KATNAL2: variants seen among roughly 807,000 people sequenced by gnomAD.
KATNAL2 encodes katanin catalytic subunit A1 like 2.
In KATNAL2, 52 loss-of-function variants were observed where a neutral mutation model predicts 76.3. The observed-to-expected ratio is 0.68, with a 90% CI of 0.55 to 0.86. KATNAL2 has a LOEUF of 0.86. KATNAL2 is among the 40% of genes least tolerant of loss of function. The pLI, the probability that KATNAL2 is intolerant of heterozygous loss-of-function variation, is 0.00. For missense variants in KATNAL2, 660 were observed against 668.9 expected, an observed-to-expected ratio of 0.99 and a Z score of 0.15; for synonymous variants, 243 against 244.2, an observed-to-expected ratio of 1.00 and a Z score of 0.05.
chr18:46,928,858 C>T (rs532769563), intron 1 of KATNAL2, among the ~76,000 whole-genome samples: 26 of 151,752 alleles, frequency 1.7e-4, no homozygotes, highest in South Asian at 1.0e-3. Flanking sequence ...TGCAATGGCA[C>T]GATCTTGGCT....
At chr18:46,930,535 G>T (rs780172648) in intron 1 of KATNAL2, among the ~76,000 whole-genome samples, 2 of 152,028 alleles carry the variant, frequency 1.3e-5, no homozygotes, top group Non-Finnish European at 2.9e-5. Flanking sequence ...AGAAAAGCAG[G>T]CCGGGTGCGA....
At chr18:47,033,499 C>A in intron 3 of KATNAL2, 2 of 1,614,158 alleles carry the variant, frequency 1.2e-6, no homozygotes, top group Non-Finnish European at 1.7e-6. Flanking sequence ...GTCCTGGAAA[C>A]AATGATTCCT....
intron 1 of KATNAL2, among the ~76,000 whole-genome samples, chr18:46,928,708 C>A (rs183812043): frequency 6.6e-6 from 1 of 152,172 alleles, no homozygotes; most frequent in Non-Finnish European, 1.5e-5. Flanking sequence ...CTCCTCCCCC[C>A]TGATACGGAA....
At chr18:46,926,847 CT>C (rs2058742978) in intron 1 of KATNAL2, among the ~76,000 whole-genome samples, 1 of 152,128 alleles carries the variant, frequency 6.6e-6, no homozygotes, top group Non-Finnish European at 1.5e-5. Context: ...TAATGGCCTT[CT>C]TTGTCTCTTT....
chr18:47,031,544 A>T (rs1306660663), intron 3 of KATNAL2, among the ~76,000 whole-genome samples: 2 of 152,044 alleles, frequency 1.3e-5, no homozygotes, highest in Admixed American at 6.5e-5. Context: ...GTACCCTTCC[A>T]CAGTTTGTAG....
intron 6 of KATNAL2, among the ~76,000 whole-genome samples, chr18:47,055,838 C>T (rs2147112443): frequency 6.6e-6 from 1 of 152,314 alleles, no homozygotes; most frequent in East Asian, 1.9e-4. Flanking sequence ...GCAAGGAGCA[C>T]CGTGGCACAT....
At chr18:47,062,775 A>G (rs1441097654) in intron 8 of KATNAL2, among the ~76,000 whole-genome samples, 197 bp from the exon 9 acceptor site, 3 of 152,244 alleles carry the variant, frequency 2.0e-5, no homozygotes, top group Non-Finnish European at 4.4e-5. Flanking sequence ...TGGAAAATGT[A>G]CTTACAATTT....
chr18:47,056,574 A>G (rs2061477432), intron 6 of KATNAL2, among the ~76,000 whole-genome samples: 1 of 152,228 alleles, frequency 6.6e-6, no homozygotes, highest in South Asian at 2.1e-4. Context: ...ACCTAGGACT[A>G]ATGGTTAAAG....
intron 13 of KATNAL2, among the ~76,000 whole-genome samples, chr18:47,071,900 AT>A (rs1258143828): frequency 6.7e-6 from 1 of 148,990 alleles, no homozygotes; most frequent in Non-Finnish European, 1.5e-5. Context: ...AGCAAAAAAA[AT>A]TAATTAAAAA....
At chr18:47,089,575 T>C (rs148955232) in intron 15 of KATNAL2, among the ~76,000 whole-genome samples, 2 of 152,278 alleles carry the variant, frequency 1.3e-5, no homozygotes, top group East Asian at 3.9e-4. Context: ...AACTCACTGC[T>C]CAGAATGAGA....
chr18:47,039,763 A>G (rs1244418115), intron 3 of KATNAL2, among the ~76,000 whole-genome samples: 1 of 152,210 alleles, frequency 6.6e-6, no homozygotes, highest in African/African-American at 2.4e-5. Context: ...AAGGATAGAG[A>G]GACTCTGAAA....
intron 3 of KATNAL2, among the ~76,000 whole-genome samples, chr18:46,961,236 T>C (rs947682460): frequency 1.8e-4 from 26 of 147,516 alleles, no homozygotes; most frequent in African/African-American, 6.0e-4. Context: ...TTTTAACTTT[T>C]CGCTTTCTCC....
At chr18:47,062,738 G>A (rs1261105232) in intron 8 of KATNAL2, among the ~76,000 whole-genome samples, 4 of 152,220 alleles carry the variant, frequency 2.6e-5, no homozygotes, top group Admixed American at 1.3e-4. Context: ...AAATACTCAT[G>A]AATTTTTATT....
chr18:47,033,521 C>T (rs1205528349), intron 3 of KATNAL2: 2 of 1,614,090 alleles, frequency 1.2e-6, no homozygotes, highest in Non-Finnish European at 1.7e-6. Flanking sequence ...CGTAATTCGT[C>T]TGTCTCTCTA....
At chr18:46,947,254 A>C (rs1358432818) in intron 3 of KATNAL2, among the ~76,000 whole-genome samples, 1 of 152,126 alleles carries the variant, frequency 6.6e-6, no homozygotes, top group Non-Finnish European at 1.5e-5. Context: ...GGATTTGGGG[A>C]GTGGTCAAAA....
intron 1 of KATNAL2, among the ~76,000 whole-genome samples, chr18:46,932,557 A>C (rs1599341753): frequency 1.3e-5 from 2 of 148,932 alleles, no homozygotes; most frequent in Non-Finnish European, 3.0e-5. Context: ...GCCTGTATGC[A>C]CCGCCACTCA....
At chr18:47,054,628 C>A in intron 6 of KATNAL2, 190 bp downstream of exon 6, 1 of 648,444 alleles carries the variant, frequency 1.5e-6, no homozygotes, top group East Asian at 2.6e-5. Context: ...CGTCTACTCT[C>A]CTGGTTTTAC....
At chr18:47,045,109 TA>T (rs1428827568) in intron 3 of KATNAL2, among the ~76,000 whole-genome samples, 2 of 150,862 alleles carry the variant, frequency 1.3e-5, no homozygotes, top group Non-Finnish European at 3.0e-5. Context: ...AAAAAAAAAT[TA>T]AAAAAGAAAA....
chr18:47,064,751 A>C (rs1418528393), intron 10 of KATNAL2, among the ~76,000 whole-genome samples: 1 of 152,100 alleles, frequency 6.6e-6, no homozygotes, highest in Non-Finnish European at 1.5e-5. Context: ...TTCCATCTGG[A>C]ATCCTTTCTA....
Sources: gnomAD v4.1 joint callset for allele counts (sites outside exome capture counted in the v4.1 genomes callset) on GRCh38, gnomAD v4.1.1 for gene constraint, MANE v1.5 for transcripts, NCBI Gene and HGNC (gene_info 2026-07-23, HGNC 2026-07-21) for gene names.